Variants in NFIX observed in about 807,000 individuals in gnomAD.
NFIX encodes the protein nuclear factor I X.
NFIX carries 2 observed loss-of-function variants against 53.3 expected under a neutral mutation model. That is an observed-to-expected ratio of 0.04 (90% CI 0.02 to 0.12). The LOEUF is 0.12. Among genes scored for constraint, NFIX ranks in the 10% least tolerant of loss-of-function variants. NFIX has a pLI of 1.00. For synonymous variants in NFIX, 244 were observed against 289.0 expected (o/e 0.84, Z 1.58); for missense variants, 310 against 674.5 (o/e 0.46, Z 5.99).
rs1416331098 is a variant in NFIX at position 13,022,395 on chromosome 19, G to T, written c.28-2626G>T. Among the ~76,000 whole-genome samples the T allele has an allele frequency of 6.6e-6, 1 of 152,108 alleles. No individual in the cohort carries two copies. Among genetic ancestry groups the T allele is most frequent in the African/African-American group, 2.4e-5 (1 of 41,418 alleles). On this transcript the variant is annotated intron_variant, in intron 1 of 10. Transcript: ENST00000592199. The surrounding 1 kb of genome is among the most constrained non-coding windows in gnomAD (Gnocchi z 4.5). ...GGGTGCTGGCCTCCCCCTTGTCTGA[G>T]AGTGCTCCTTCAGCAGCCAGACCTG...
In NFIX at chr19:13,049,379, A is replaced by C. The variant is rs1359204581; in HGVS notation, c.560-23668A>C. 6.6e-6 allele frequency among the ~76,000 whole-genome samples: 1 copy of C among 152,218 alleles called. No individual in the cohort carries two copies. Among genetic ancestry groups the C allele is most frequent in the East Asian group, 1.9e-4 (1 of 5,202 alleles). On this transcript the variant is annotated intron_variant, in intron 2 of 10. Transcript: ENST00000592199. This position sits in a 1 kb window ranked among gnomAD's most constrained non-coding sequence, Gnocchi z 4.5. ...ATTCCAGAACAATTCCATTGCTCCC[A>C]AAAGAAACTCCATACCTATTAGTTG...
intron 1 of NFIX, chr19:13,024,733 GGAGA>G (rs140446550): frequency 1.4e-5 from 21 of 1,529,398 alleles, no homozygotes; most frequent in Non-Finnish European, 1.6e-5. Flanking sequence ...AGTGAGTGAG[GGAGA>G]GAGAGAGAGA....
At chr19:13,029,947 C>T (rs1194519765) in intron 2 of NFIX, among the ~76,000 whole-genome samples, 1 of 152,164 alleles carries the variant, frequency 6.6e-6, no homozygotes, top group Admixed American at 6.5e-5. Flanking sequence ...CTGGTGCCAG[C>T]GAGGTTCCCC....
chr19:13,062,404 G>T (rs1045762614), intron 2 of NFIX, among the ~76,000 whole-genome samples: 1 of 152,342 alleles, frequency 6.6e-6, no homozygotes, highest in South Asian at 2.1e-4. Flanking sequence ...GTTTGAAGAA[G>T]GATCTAGAAG....
At chr19:13,032,538 C>T (rs539598400) in intron 2 of NFIX, among the ~76,000 whole-genome samples, 2 of 152,164 alleles carry the variant, frequency 1.3e-5, no homozygotes, top group Admixed American at 6.5e-5. Context: ...CTTTTTTGTC[C>T]CAGATTCCGC....
rs1323407964 is a variant in NFIX, at chr19:13,098,227, T to C, written c.*3578T>C. The C allele has an allele frequency of 7.5e-6, 1 of 132,976 alleles. No individual in the cohort carries two copies. Among genetic ancestry groups the C allele is most frequent in the Non-Finnish European group, 1.6e-5 (1 of 63,520 alleles). The allele number at this position is 132,976 out of a possible 1,614,324, so 8.2% of individuals were successfully genotyped here. A position where few individuals can be genotyped will look rare whatever the true frequency, so the allele number is the denominator to read the frequency against. On this transcript the variant is annotated 3_prime_UTR_variant, in exon 11 of 11. Coordinates refer to ENST00000592199, the MANE Select transcript of NFIX (RefSeq NM_001365902.3). ...AGTCACGAGAACTTTCGTCCCCCAA[T>C]CGAGAGCCCGAGGGGCACCCCAGCC...
rs2016561381 is a variant in NFIX, at chr19:13,068,356, C to G, written c.560-4691C>G. Among the ~76,000 whole-genome samples, 1 of 152,076 alleles carries G rather than the reference C, an allele frequency of 6.6e-6. No individual in the cohort carries two copies. On this transcript the variant is annotated intron_variant, in intron 2 of 10. Transcript: ENST00000592199. The surrounding 1 kb of genome is among the most constrained non-coding windows in gnomAD (Gnocchi z 4.2). ...GCCAAGGGAGACAGGGAAGTAAGAT[C>G]AGAAATGGGGATCCAAGGGGAAAGG...
chr19:12,997,157 T>C (rs557527731), intron 1 of NFIX, among the ~76,000 whole-genome samples: 229 of 152,388 alleles, frequency 1.5e-3, no homozygotes, highest in African/African-American at 5.4e-3. Flanking sequence ...CACATGGGTA[T>C]GGCTCCTACT....
chr19:13,038,275 C>T (rs1469209130), intron 2 of NFIX, among the ~76,000 whole-genome samples: 1 of 152,150 alleles, frequency 6.6e-6, no homozygotes, highest in African/African-American at 2.4e-5. Flanking sequence ...AATACCTATC[C>T]CTTATTGCCT....
chr19:13,079,161 G>T (rs1423209579), intron 7 of NFIX, among the ~76,000 whole-genome samples: 1 of 152,214 alleles, frequency 6.6e-6, no homozygotes, highest in Non-Finnish European at 1.5e-5. Context: ...GCCAGCATGA[G>T]CCCAGGTTGA....
At position 13,066,412 on chromosome 19, in the gene NFIX, G is replaced by A. The variant is rs1179595267; in HGVS notation, c.560-6635G>A. ...TAGGCCCTAGGGGCAGCCAGAGCAG[G>A]CCTAGACCACATGTGGGTGTCACTC... On this transcript the variant is annotated intron_variant, in intron 2 of 10. Coordinates refer to ENST00000592199, the MANE Select transcript of NFIX (RefSeq NM_001365902.3). This position sits in a 1 kb window ranked among gnomAD's most constrained non-coding sequence, Gnocchi z 4.2. Among the ~76,000 whole-genome samples the A allele has an allele frequency of 6.6e-6, 1 of 151,546 alleles. No individual in the cohort carries two copies. Among genetic ancestry groups the A allele is most frequent in the African/African-American group, 2.4e-5 (1 of 41,252 alleles).
rs1170136422 is a variant in NFIX at position 13,006,964 on chromosome 19, C to T, written c.27+11100C>T. The stretch of plus-strand genomic sequence containing the variant: ...GAGGTGGGGGTGGGGAAGTGCTGGG[C>T]GCCTCCAGGCCCCTGCTTGTCCCGT... On this transcript the variant is annotated intron_variant, in intron 1 of 10. Transcript: ENST00000592199. The surrounding 1 kb of genome is among the most constrained non-coding windows in gnomAD (Gnocchi z 5.6). Among the ~76,000 whole-genome samples the T allele has an allele frequency of 3.3e-5, 5 of 152,130 alleles. No individual in the cohort carries two copies. The highest frequency in any genetic ancestry group is 4.8e-5 in the African/African-American group (2 of 41,432).
rs2017916317 is a variant in NFIX at position 13,088,343 on chromosome 19, G to T, written c.1402+207G>T. On this transcript the variant is annotated intron_variant, in intron 9 of 10. Transcript: ENST00000592199. The surrounding 1 kb of genome is among the most constrained non-coding windows in gnomAD (Gnocchi z 5.9). ...CCAGCCAGCACCCCACGAGCCCCCTGCCCGCTGCTCCCAGCCGGGGCCCCT... is the reference window on the plus strand; with the variant it reads ...CCAGCCAGCACCCCACGAGCCCCCTTCCCGCTGCTCCCAGCCGGGGCCCCT... Among the ~76,000 whole-genome samples the T allele has an allele frequency of 6.6e-6, 1 of 151,996 alleles. No individual in the cohort carries two copies. The highest frequency in any genetic ancestry group is 1.5e-5 in the Non-Finnish European group (1 of 67,976).
At chr19:13,079,411 T>C (rs1476274780) in intron 7 of NFIX, among the ~76,000 whole-genome samples, 3 of 152,130 alleles carry the variant, frequency 2.0e-5, no homozygotes, top group Non-Finnish European at 2.9e-5. Context: ...CCTGAGGAGA[T>C]AGGATCAGGC....
chr19:13,003,343 C>T lies in NFIX; in HGVS notation c.27+7479C>T, dbSNP rs978664215. ...GGACGTGCATGTGGGTGCAGACACA[C>T]GGGACACGCGCAGTCACACGATCAC... On this transcript the variant is annotated intron_variant, in intron 1 of 10. Coordinates refer to ENST00000592199, the MANE Select transcript of NFIX (RefSeq NM_001365902.3). Among the ~76,000 whole-genome samples, 9 of 152,164 alleles carry T rather than the reference C, an allele frequency of 5.9e-5. No homozygotes were observed. In the South Asian group the frequency reaches 8.3e-4, roughly 14 times the overall value.
In NFIX at chr19:13,093,200, C is replaced by A. The variant is rs2018248273; in HGVS notation, c.1495-1435C>A. On this transcript the variant is annotated intron_variant, in intron 10 of 10. Transcript: ENST00000592199. This position sits in a 1 kb window ranked among gnomAD's most constrained non-coding sequence, Gnocchi z 4.7. ...AACCACTTGTGGCTAGTGGCTACTGCAATGGAAATGAGAACATTTCCATTG... is the reference window on the plus strand; with the variant it reads ...AACCACTTGTGGCTAGTGGCTACTGAAATGGAAATGAGAACATTTCCATTG... Among the ~76,000 whole-genome samples the A allele has an allele frequency of 6.6e-6, 1 of 152,162 alleles. No homozygotes were observed. Among genetic ancestry groups the A allele is most frequent in the African/African-American group, 2.4e-5 (1 of 41,432 alleles).
Position 13,023,630 on chromosome 19 carries a change from CTTTTTTTT to C in NFIX, c.28-1383_28-1376del, listed in dbSNP as rs201731717. 0.1 allele frequency among the ~76,000 whole-genome samples: 12,864 copies of C among 128,650 alleles called. 723 individuals carry two copies. Among genetic ancestry groups the C allele is most frequent in the Non-Finnish European group, 0.15 (8,958 of 60,338 alleles). The allele number at this position is 128,650 out of a possible 152,430, so 84.4% of individuals were successfully genotyped here. A position where few individuals can be genotyped will look rare whatever the true frequency, so the allele number is the denominator to read the frequency against. ...TGATTTTTAAATTTTGCATTTTTTT[CTTTTTTTT>C]TTTTTTTAAACTGGAAGAGGATGCA... On this transcript the variant is annotated intron_variant, in intron 1 of 10. Coordinates refer to ENST00000592199, the MANE Select transcript of NFIX (RefSeq NM_001365902.3).
chr19:13,073,605 T>A lies in NFIX; in HGVS notation c.697+109T>A. The A allele has an allele frequency of 2.0e-6, 2 of 1,022,588 alleles. No individual in the cohort carries two copies. Among genetic ancestry groups the A allele is most frequent in the Non-Finnish European group, 3.1e-6 (2 of 654,508 alleles). 63.3% of individuals were successfully genotyped at this position (1,022,588 alleles called of 1,614,324 possible). On this transcript the variant is annotated intron_variant, in intron 4 of 10. Transcript: ENST00000592199. This position sits in a 1 kb window ranked among gnomAD's most constrained non-coding sequence, Gnocchi z 4.5. ...CTTAGGGCAGGTGGATGGGAACAGA[T>A]GCTTTCTGGGACACTCTCGGCTTCA...
Position 13,049,902 on chromosome 19 carries a change from T to A in NFIX, c.560-23145T>A, listed in dbSNP as rs886277034. Among the ~76,000 whole-genome samples, 1 of 152,226 alleles carries A rather than the reference T, an allele frequency of 6.6e-6. No homozygotes were observed. The highest frequency in any genetic ancestry group is 1.5e-5 in the Non-Finnish European group (1 of 68,038). On this transcript the variant is annotated intron_variant, in intron 2 of 10. Transcript: ENST00000592199. This position sits in a 1 kb window ranked among gnomAD's most constrained non-coding sequence, Gnocchi z 4.5. Reference sequence around the variant, plus strand: ...CCACTGCACCCGGCCAGTTCCTTTTTAAGGCCAAATAATATTTAATTGTAT... The same window carrying A: ...CCACTGCACCCGGCCAGTTCCTTTTAAAGGCCAAATAATATTTAATTGTAT...
Sources: gnomAD v4.1 joint callset for allele counts (sites outside exome capture counted in the v4.1 genomes callset) on GRCh38, gnomAD v4.1.1 for gene constraint, Gnocchi (gnomAD v3.1) non-coding constraint, MANE v1.5 for transcripts, NCBI Gene and HGNC (gene_info 2026-07-23, HGNC 2026-07-21) for gene names.